AFAP1: variants seen among roughly 807,000 people sequenced by gnomAD.
The protein encoded by AFAP1 is actin filament-associated protein 1.
AFAP1 carries 75 observed loss-of-function variants against 93.9 expected under a neutral mutation model. The ratio of observed to expected loss-of-function variants is 0.80; its 90% CI spans 0.66 to 0.97. The LOEUF is 0.97. Ranked by LOEUF, AFAP1 falls within the 50% of genes least tolerant of loss-of-function variation. The pLI is 0.00. For missense variants in AFAP1, 1,201 were observed against 1,050.8 expected (o/e 1.14, Z -1.98); for synonymous variants, 517 against 430.7 (o/e 1.20, Z -2.48).
intron 1 of AFAP1, among the ~76,000 whole-genome samples, chr4:7,911,939 G>C (rs1463701142): frequency 6.6e-6 from 1 of 152,234 alleles, no homozygotes; most frequent in Non-Finnish European, 1.5e-5. Context: ...ATGAAATATA[G>C]AAAGGATTCC....
rs543698845 is a variant in AFAP1 at position 7,901,279 on chromosome 4, C to T, written c.-2-29199G>A. On this transcript the variant is annotated intron_variant, in intron 1 of 17. Transcript: ENST00000420658. The stretch of plus-strand genomic sequence containing the variant: ...GCCAAGGGTGCCTATTGCACCTTAA[C>T]ATCCTCACTCCACATCAAGTTCACA... Among the ~76,000 whole-genome samples the T allele has an allele frequency of 2.6e-5, 4 of 152,366 alleles. No homozygotes were observed. The East Asian group carries it at 7.7e-4, about 29-fold the overall frequency.
At chr4:7,902,033 A>G (rs1719142506) in intron 1 of AFAP1, among the ~76,000 whole-genome samples, 1 of 152,220 alleles carries the variant, frequency 6.6e-6, no homozygotes, top group Non-Finnish European at 1.5e-5. Flanking sequence ...TTGAAACACA[A>G]TAGAGAAGAC....
At chr4:7,859,473 T>G (rs1199637035) in intron 3 of AFAP1, among the ~76,000 whole-genome samples, 6 of 151,938 alleles carry the variant, frequency 3.9e-5, no homozygotes, top group Non-Finnish European at 8.8e-5. Flanking sequence ...CTTTAGACAC[T>G]TAAAAAGAAG....
At chr4:7,772,759 C>T (rs894908299) in intron 16 of AFAP1, 61 bp downstream of exon 16, 2 of 1,514,262 alleles carry the variant, frequency 1.3e-6, no homozygotes, top group African/African-American at 1.4e-5. Flanking sequence ...TCTCTGGGTG[C>T]ACTGGCCCTC....
intron 3 of AFAP1, among the ~76,000 whole-genome samples, chr4:7,862,653 A>G (rs905318986): frequency 1.2e-4 from 18 of 152,218 alleles, no homozygotes; most frequent in African/African-American, 3.9e-4. Flanking sequence ...CTGGCATAAA[A>G]AGGCATCACA....
At chr4:7,788,546 A>G (rs1717532389) in intron 11 of AFAP1, 1 of 152,276 alleles carries the variant, frequency 6.6e-6, no homozygotes, top group Admixed American at 6.5e-5. Flanking sequence ...TGCTAAACTT[A>G]AAGTACATAA....
chr4:7,829,245 T>A (rs1447084389), intron 6 of AFAP1, among the ~76,000 whole-genome samples: 1 of 152,178 alleles, frequency 6.6e-6, no homozygotes, highest in African/African-American at 2.4e-5. Context: ...ACACTATCTC[T>A]CCACACAATA....
intron 10 of AFAP1, among the ~76,000 whole-genome samples, chr4:7,799,331 CA>C (rs10624530): frequency 0.015 from 2,173 of 147,192 alleles, 51 homozygotes; most frequent in African/African-American, 0.05. Context: ...TCATCCCCAC[CA>C]AAAAAAAAAG....
intron 6 of AFAP1, among the ~76,000 whole-genome samples, chr4:7,833,570 G>A (rs1034218070): frequency 6.8e-6 from 1 of 147,996 alleles, no homozygotes; most frequent in African/African-American, 2.5e-5. Context: ...AACCACTATG[G>A]AAAACAGTGT....
At chr4:7,813,712 T>C (rs1388494411) in intron 8 of AFAP1, among the ~76,000 whole-genome samples, 2 of 152,230 alleles carry the variant, frequency 1.3e-5, no homozygotes, top group Non-Finnish European at 2.9e-5. Flanking sequence ...ACTGAATAAC[T>C]TCCGATGGAC....
chr4:7,784,624 G>A (rs1194343132), intron 12 of AFAP1, among the ~76,000 whole-genome samples: 2 of 152,100 alleles, frequency 1.3e-5, no homozygotes, highest in Non-Finnish European at 2.9e-5. Context: ...TCCCCCACAG[G>A]AACCCCAGGG....
At chr4:7,802,639 CT>C (rs60126839) in intron 9 of AFAP1, among the ~76,000 whole-genome samples, 22,509 of 127,538 alleles carry the variant, frequency 0.18, 2,186 homozygotes, top group East Asian at 0.65. Flanking sequence ...TACATTTATT[CT>C]TTTTTTTTTT....
intron 1 of AFAP1, among the ~76,000 whole-genome samples, chr4:7,928,501 C>CTTCA (rs1465960313): frequency 1.3e-5 from 2 of 152,156 alleles, no homozygotes; most frequent in Non-Finnish European, 2.9e-5. Context: ...GATTCTCCTG[C>CTTCA]TTCAGCCTCC....
intron 3 of AFAP1, among the ~76,000 whole-genome samples, chr4:7,866,625 A>G (rs1716426512): frequency 6.6e-6 from 1 of 152,256 alleles, no homozygotes; most frequent in Admixed American, 6.5e-5. Flanking sequence ...AGAAAAAATG[A>G]AAATAAGCCA....
chr4:7,875,045 A>G (rs1383489805), intron 1 of AFAP1, among the ~76,000 whole-genome samples: 1 of 152,192 alleles, frequency 6.6e-6, no homozygotes, highest in Non-Finnish European at 1.5e-5. Context: ...GTAGGCAATT[A>G]CTTTAAGATC....
At chr4:7,875,603 A>G (rs1237058389) in intron 1 of AFAP1, among the ~76,000 whole-genome samples, 1 of 144,444 alleles carries the variant, frequency 6.9e-6, no homozygotes, top group Non-Finnish European at 1.5e-5. Flanking sequence ...TGGGTAACAG[A>G]GTGAGACCCT....
At chr4:7,829,574 G>A (rs1354425658) in intron 6 of AFAP1, among the ~76,000 whole-genome samples, 1 of 152,190 alleles carries the variant, frequency 6.6e-6, no homozygotes, top group Non-Finnish European at 1.5e-5. Context: ...ACAGTTCACA[G>A]AAATACTGAT....
intron 1 of AFAP1, among the ~76,000 whole-genome samples, chr4:7,900,970 C>G (rs1719081613): frequency 6.6e-6 from 1 of 152,204 alleles, no homozygotes; most frequent in Non-Finnish European, 1.5e-5. Flanking sequence ...CAAAAAACAG[C>G]TTTGGGCTAG....
At chr4:7,856,529 C>T (rs906242572) in intron 3 of AFAP1, among the ~76,000 whole-genome samples, 1 of 152,150 alleles carries the variant, frequency 6.6e-6, no homozygotes, top group Non-Finnish European at 1.5e-5. Context: ...TGTCAGCCAC[C>T]GCACCTGGCC....
Sources: gnomAD v4.1 joint callset for allele counts (sites outside exome capture counted in the v4.1 genomes callset) on GRCh38, gnomAD v4.1.1 for gene constraint, MANE v1.5 for transcripts, NCBI Gene and HGNC (gene_info 2026-07-23, HGNC 2026-07-21) for gene names.